The following ATG4C variants were observed in gnomAD, a reference collection of about 807,000 sequenced individuals.
ATG4C encodes cysteine protease ATG4C.
A neutral mutation model predicts 57.6 loss-of-function variants in ATG4C; 56 were observed. The observed-to-expected ratio is 0.97, with a 90% CI of 0.78 to 1.21. ATG4C has a LOEUF of 1.21. ATG4C is among the 50% of genes most tolerant of loss of function. The pLI, the probability that ATG4C is intolerant of heterozygous loss-of-function variation, is 0.00. For missense variants in ATG4C, 595 were observed against 529.8 expected (o/e 1.12, Z -1.21); for synonymous variants, 157 against 174.1 (o/e 0.90, Z 0.78).
At chr1:62,828,030 G>T (rs1428010106) in intron 6 of ATG4C, among the ~76,000 whole-genome samples, 1 of 152,112 alleles carries the variant, frequency 6.6e-6, no homozygotes, top group African/African-American at 2.4e-5. Flanking sequence ...TGGTGTATAT[G>T]TACCACATTT....
At chr1:62,818,914 A>T (rs780648537) in intron 4 of ATG4C, 91 bp from the exon 5 acceptor site, 1 of 1,058,754 alleles carries the variant, frequency 9.4e-7, no homozygotes, top group Non-Finnish European at 1.3e-6. Context: ...TTAGTAACCC[A>T]AATGACCTTA....
chr1:62,802,678 A>G (rs1362589162), intron 1 of ATG4C, among the ~76,000 whole-genome samples: 2 of 152,146 alleles, frequency 1.3e-5, no homozygotes, highest in African/African-American at 2.4e-5. Context: ...CAAAATTTTT[A>G]ACCTGGTCTA....
At chr1:62,862,465 C>T (rs1666885544) in intron 10 of ATG4C, among the ~76,000 whole-genome samples, 1 of 152,044 alleles carries the variant, frequency 6.6e-6, no homozygotes, top group South Asian at 2.1e-4. Context: ...ATAAAAATGA[C>T]AACAGTTTTT....
intron 6 of ATG4C, among the ~76,000 whole-genome samples, chr1:62,826,528 G>A (rs1046485269): frequency 6.6e-6 from 1 of 151,764 alleles, no homozygotes; most frequent in Non-Finnish European, 1.5e-5. Flanking sequence ...GAGCTACCAC[G>A]CCCGGCCGAC....
intron 10 of ATG4C, among the ~76,000 whole-genome samples, chr1:62,863,260 A>G (rs998315432): frequency 1.3e-5 from 2 of 152,004 alleles, no homozygotes; most frequent in South Asian, 2.1e-4. Context: ...GATTATTACT[A>G]TGTGTGAGAA....
At chr1:62,832,435 C>G (rs979188718) in intron 7 of ATG4C, among the ~76,000 whole-genome samples, 1 of 152,170 alleles carries the variant, frequency 6.6e-6, no homozygotes, top group Non-Finnish European at 1.5e-5. Flanking sequence ...GGTCTCCTTG[C>G]TGCGCTCTCA....
intron 3 of ATG4C, among the ~76,000 whole-genome samples, chr1:62,815,554 C>G (rs1665241765): frequency 6.6e-6 from 1 of 152,122 alleles, no homozygotes; most frequent in Admixed American, 6.5e-5. Flanking sequence ...GTTCTTCATT[C>G]CTTTGTGTGA....
At chr1:62,790,838 ATTG>A (rs1410701318) in intron 1 of ATG4C, among the ~76,000 whole-genome samples, 9 of 152,204 alleles carry the variant, frequency 5.9e-5, no homozygotes, top group Non-Finnish European at 1.5e-5. Flanking sequence ...AACCAAAACA[ATTG>A]TGTTTGTGAA....
At chr1:62,848,433 T>A (rs1376145796) in intron 10 of ATG4C, among the ~76,000 whole-genome samples, 2 of 152,204 alleles carry the variant, frequency 1.3e-5, no homozygotes, top group African/African-American at 4.8e-5. Context: ...TCATTTTGGT[T>A]GTCTCTGAAG....
At chr1:62,827,598 G>A (rs944687627) in intron 6 of ATG4C, among the ~76,000 whole-genome samples, 2 of 152,104 alleles carry the variant, frequency 1.3e-5, no homozygotes, top group Non-Finnish European at 2.9e-5. Context: ...AAGGCCCAGT[G>A]TCATATAGTA....
intron 1 of ATG4C, 110 bp from the exon 2 acceptor site, chr1:62,803,609 T>G: frequency 2.6e-6 from 1 of 388,400 alleles, no homozygotes; most frequent in Admixed American, 4.5e-5. Context: ...GAAATTGTTT[T>G]GTTCATTTGC....
chr1:62,815,079 A>G (rs949459709), intron 3 of ATG4C, among the ~76,000 whole-genome samples: 3 of 146,818 alleles, frequency 2.0e-5, no homozygotes, highest in Admixed American at 6.8e-5. Context: ...ACTAAAAATA[A>G]ATAAATAAAT....
At chr1:62,800,756 T>C (rs1664631298) in intron 1 of ATG4C, among the ~76,000 whole-genome samples, 3 of 152,212 alleles carry the variant, frequency 2.0e-5, no homozygotes, top group Non-Finnish European at 4.4e-5. Flanking sequence ...CTTTAATAAA[T>C]ATTTTTGAGA....
intron 3 of ATG4C, among the ~76,000 whole-genome samples, chr1:62,811,237 T>C (rs1274626579): frequency 6.6e-6 from 1 of 152,242 alleles, no homozygotes; most frequent in Non-Finnish European, 1.5e-5. Flanking sequence ...AACTTGGTTC[T>C]GTCTCTATTA....
At chr1:62,838,641 G>GTGGT (rs955314645) in intron 9 of ATG4C, among the ~76,000 whole-genome samples, 4 of 152,036 alleles carry the variant, frequency 2.6e-5, no homozygotes, top group African/African-American at 9.7e-5. Context: ...TTAGCTGGGC[G>GTGGT]TGGTGGTGCG....
chr1:62,835,376 CT>C, intron 9 of ATG4C: 1 of 346,630 alleles, frequency 2.9e-6, no homozygotes, highest in South Asian at 2.5e-5. Context: ...TCTTCTTTTC[CT>C]TTATACAGGT....
chr1:62,821,222 T>C lies in ATG4C; in HGVS notation c.796+13T>C, dbSNP rs747167914. 6.6e-7 allele frequency: 1 copy of C among 1,523,388 alleles called. No individual in the cohort carries two copies. The highest frequency in any genetic ancestry group is 2.1e-5 in the Admixed American group (1 of 47,710). 94.4% of individuals were successfully genotyped at this position (1,523,388 alleles called of 1,614,324 possible). On this transcript the variant is annotated intron_variant, in intron 6 of 10. Transcript: ENST00000317868. The stretch of plus-strand genomic sequence containing the variant: ...CAAGATTGTACAGGTAAGGAATGTA[T>C]ATAATTCTAATCTTTGTTTTATTTG...
chr1:62,787,393 T>A (rs1203670278), intron 1 of ATG4C, among the ~76,000 whole-genome samples: 1 of 152,192 alleles, frequency 6.6e-6, no homozygotes, highest in Non-Finnish European at 1.5e-5. Flanking sequence ...TTACATGCCA[T>A]CTTTATTTTC....
intron 10 of ATG4C, among the ~76,000 whole-genome samples, chr1:62,860,592 A>G (rs1241407082): frequency 1.3e-5 from 2 of 152,196 alleles, no homozygotes; most frequent in African/African-American, 4.8e-5. Context: ...TGACTGTACT[A>G]TTTACATAAC....
Sources: allele counts gnomAD v4.1 joint callset (sites outside exome capture counted in the v4.1 genomes callset), GRCh38; gene constraint gnomAD v4.1.1; transcripts MANE v1.5; gene names NCBI Gene and HGNC (gene_info 2026-07-23, HGNC 2026-07-21).